The following PAK5 variants were observed in gnomAD, a reference collection of about 807,000 sequenced individuals.
The protein encoded by PAK5 is serine/threonine-protein kinase PAK 5.
PAK5 carries 16 observed loss-of-function variants against 65.9 expected under a neutral mutation model. That is an observed-to-expected ratio of 0.24 (90% confidence interval 0.16 to 0.37). The LOEUF is 0.37. Among genes scored for constraint, PAK5 ranks in the 10% least tolerant of loss-of-function variants. The probability of loss-of-function intolerance (pLI) is 1.00; values close to 1 mark genes in which losing one functional copy is unlikely to be tolerated. For synonymous variants in PAK5, 371 were observed against 354.9 expected, an observed-to-expected ratio of 1.05 and a Z score of -0.51; for missense variants, 785 against 903.9, an observed-to-expected ratio of 0.87 and a Z score of 1.69.
intron 1 of PAK5, among the ~76,000 whole-genome samples, chr20:9,800,249 T>C (rs182589932): frequency 9.9e-5 from 15 of 152,270 alleles, no homozygotes; most frequent in Admixed American, 7.2e-4. Context: ...TTCATTTTCA[T>C]AGAGATAACT....
intron 2 of PAK5, among the ~76,000 whole-genome samples, chr20:9,648,987 A>G: frequency 6.6e-6 from 1 of 152,090 alleles, no homozygotes; most frequent in Non-Finnish European, 1.5e-5. Context: ...ACCCATGTAA[A>G]CCAAGGGCAC....
At position 9,596,428 on chromosome 20, in the gene PAK5, A is replaced by C. The variant is rs572499513; in HGVS notation, c.205-15498T>G. ...GAGGCGGGCGGATCACAAGGTCAGG[A>C]GATCAAGACCATCCTGGCTAACACA... On this transcript the variant is annotated intron_variant, in intron 3 of 9. Coordinates refer to ENST00000353224, the MANE Select transcript of PAK5 (RefSeq NM_177990.4). 1.4e-4 allele frequency among the ~76,000 whole-genome samples: 21 copies of C among 152,224 alleles called. No individual in the cohort carries two copies. In the South Asian group the frequency reaches 4.4e-3, roughly 32 times the overall value.
At chr20:9,592,072 G>A (rs2046182105) in intron 3 of PAK5, among the ~76,000 whole-genome samples, 2 of 152,152 alleles carry the variant, frequency 1.3e-5, no homozygotes, top group Admixed American at 1.3e-4. Flanking sequence ...GAAGAGAAAA[G>A]TTGCAATCCA....
chr20:9,833,120 A>G (rs1030066991), intron 1 of PAK5, among the ~76,000 whole-genome samples: 39 of 152,332 alleles, frequency 2.6e-4, no homozygotes, highest in African/African-American at 8.9e-4. Context: ...AAACTTATCA[A>G]TTTATGTGGA....
At chr20:9,643,006 T>C (rs2047089225) in intron 3 of PAK5, among the ~76,000 whole-genome samples, 1 of 152,222 alleles carries the variant, frequency 6.6e-6, no homozygotes, top group Non-Finnish European at 1.5e-5. Context: ...TTTAGTCAGG[T>C]CAGGTGATAT....
In PAK5 at chr20:9,539,344, T is replaced by C. The variant is rs551932900; in HGVS notation, c.*118A>G. 2.1e-5 allele frequency: 20 copies of C among 937,754 alleles called. No individual in the cohort carries two copies. In the South Asian group the frequency reaches 3.1e-4, roughly 15 times the overall value. The allele number at this position is 937,754 out of a possible 1,614,324, so 58.1% of individuals were successfully genotyped here. ...TTGAACCCTGCCGGTCATCACGCTG[T>C]CCCACCAATTGGCTGGTCTAGAATG... On this transcript the variant is annotated 3_prime_UTR_variant, in exon 10 of 10. Coordinates refer to ENST00000353224, the MANE Select transcript of PAK5 (RefSeq NM_177990.4).
At chr20:9,668,078 T>G (rs2047443935) in intron 2 of PAK5, among the ~76,000 whole-genome samples, 1 of 152,272 alleles carries the variant, frequency 6.6e-6, no homozygotes, top group Admixed American at 6.5e-5. Context: ...AAGAACTATT[T>G]TCCTTAAGAA....
chr20:9,770,642 G>T (rs2048822485), intron 1 of PAK5, among the ~76,000 whole-genome samples: 1 of 152,142 alleles, frequency 6.6e-6, no homozygotes. Context: ...AGCAATGTGT[G>T]CCTAGAAAAT....
chr20:9,787,381 T>C (rs916901540), intron 1 of PAK5, among the ~76,000 whole-genome samples: 10 of 152,166 alleles, frequency 6.6e-5, no homozygotes, highest in African/African-American at 2.4e-4. Context: ...CTGGAGTGCT[T>C]GTCTAGATTT....
chr20:9,611,962 G>A (rs908935711), intron 3 of PAK5, among the ~76,000 whole-genome samples: 3 of 152,062 alleles, frequency 2.0e-5, no homozygotes, highest in African/African-American at 7.2e-5. Context: ...CTTTGTGCAG[G>A]AACTACCACT....
At chr20:9,613,443 T>A (rs2046600607) in intron 3 of PAK5, among the ~76,000 whole-genome samples, 1 of 152,128 alleles carries the variant, frequency 6.6e-6, no homozygotes, top group South Asian at 2.1e-4. Flanking sequence ...TGTGCACAGG[T>A]CTGGGAGTTA....
chr20:9,644,223 G>T lies in PAK5; in HGVS notation c.106C>A (p.Pro36Thr). ...DPQEQKFTGLPQQWHSLLADT... is the reference protein window; with the variant it reads ...DPQEQKFTGLTQQWHSLLADT... ...GCTAACAGGCTGTGCCACTGCTGGG[G>T]AAGGCCGGTAAACTTCTGCTCTTGT... Residue 36 changes from proline (P) to threonine (T), a missense_variant, in exon 3 of 10, where the codon CCC (proline) becomes ACC (threonine). This residue lies in a region of PAK5 where 71 missense variants were observed against 110.2 expected (regional missense o/e 0.64). Transcript: ENST00000353224. 6.2e-7 allele frequency: 1 copy of T among 1,609,116 alleles called. No homozygotes were observed.
rs992616250 is a variant in PAK5, at chr20:9,779,720, T to G, written c.-162+59042A>C. On this transcript the variant is annotated intron_variant, in intron 1 of 9. Coordinates refer to ENST00000353224, the MANE Select transcript of PAK5 (RefSeq NM_177990.4). ...ATAGGCAAAATTAATTATAGCCCCT[T>G]AGAACTATTATTACAACTCAACTTA... Among the ~76,000 whole-genome samples, 11 of 152,012 alleles carry G rather than the reference T, an allele frequency of 7.2e-5. No individual in the cohort carries two copies. The East Asian group carries it at 2.1e-3, about 29-fold the overall frequency.
intron 1 of PAK5, among the ~76,000 whole-genome samples, chr20:9,740,399 A>G (rs1443106591): frequency 6.6e-6 from 1 of 152,094 alleles, no homozygotes; most frequent in Non-Finnish European, 1.5e-5. Context: ...GCTATCCCTA[A>G]CCTGCTAGGT....
chr20:9,549,914 C>A (rs2122919312), intron 7 of PAK5, among the ~76,000 whole-genome samples: 1 of 152,304 alleles, frequency 6.6e-6, no homozygotes, highest in Middle Eastern at 3.4e-3. Context: ...CTCAAACTAA[C>A]CTTTGGAGAA....
rs200622971 is a variant in PAK5 at position 9,641,770 on chromosome 20, A to G, written c.204+2355T>C. On this transcript the variant is annotated intron_variant, in intron 3 of 9. Transcript: ENST00000353224. ...GCTAAGGCCCGGCGAGAAATCGAGC[A>G]CAGCGCCGGTGGGCCGGCACTGCTG... is the stretch of plus-strand genomic sequence containing the variant. Among the ~76,000 whole-genome samples, 576 of 152,208 alleles carry G rather than the reference A, an allele frequency of 3.8e-3. 4 individuals are homozygous for G. The highest frequency in any genetic ancestry group is 0.015 in the South Asian group (74 of 4,818).
intron 2 of PAK5, among the ~76,000 whole-genome samples, chr20:9,654,838 C>T (rs1272567446): frequency 6.6e-6 from 1 of 152,172 alleles, no homozygotes; most frequent in African/African-American, 2.4e-5. Flanking sequence ...TCTCCACCCT[C>T]TCATCTTGAC....
At chr20:9,744,741 A>G (rs1175291461) in intron 1 of PAK5, among the ~76,000 whole-genome samples, 3 of 152,218 alleles carry the variant, frequency 2.0e-5, no homozygotes, top group African/African-American at 7.2e-5. Flanking sequence ...CTGTGACTTC[A>G]GCCTATCTCC....
intron 1 of PAK5, among the ~76,000 whole-genome samples, chr20:9,788,363 C>T (rs550896256): frequency 6.6e-6 from 1 of 152,020 alleles, no homozygotes; most frequent in Admixed American, 6.6e-5. Context: ...AGGGCACATA[C>T]TCAAGTCATT....
Sources: allele counts gnomAD v4.1 joint callset (sites outside exome capture counted in the v4.1 genomes callset), GRCh38; gene constraint gnomAD v4.1.1; regional missense constraint gnomAD v4.1.1; transcripts MANE v1.5; gene names NCBI Gene and HGNC (gene_info 2026-07-23, HGNC 2026-07-21).